LAPTM4B: variants seen among roughly 807,000 people sequenced by gnomAD.
LAPTM4B encodes the protein lysosomal-associated transmembrane protein 4B.
A neutral mutation model predicts 28.5 loss-of-function variants in LAPTM4B; 26 were observed. The ratio of observed to expected loss-of-function variants is 0.91; its 90% confidence interval spans 0.67 to 1.27. The LOEUF is 1.27. LAPTM4B is among the 50% of genes most tolerant of loss of function. LAPTM4B has a pLI of 0.00. For missense variants in LAPTM4B, 288 were observed against 285.8 expected, an observed-to-expected ratio of 1.01 and a Z score of -0.06; for synonymous variants, 109 against 106.4, an observed-to-expected ratio of 1.02 and a Z score of -0.15.
chr8:97,827,047 A>G (rs1817100609), intron 6 of LAPTM4B, among the ~76,000 whole-genome samples: 1 of 152,218 alleles, frequency 6.6e-6, no homozygotes, highest in South Asian at 2.1e-4. Context: ...ATCTTTTAGA[A>G]GTATCTCAGA....
intron 6 of LAPTM4B, among the ~76,000 whole-genome samples, chr8:97,827,298 A>G (rs1229846194): frequency 6.6e-6 from 1 of 152,134 alleles, no homozygotes; most frequent in African/African-American, 2.4e-5. Context: ...ACCTTCCCTA[A>G]AGAGGGTCCA....
Position 97,775,831 on chromosome 8 carries a change from A to G in LAPTM4B, c.-179A>G. The G allele has an allele frequency of 6.5e-7, 1 of 1,544,516 alleles. No homozygotes were observed. Among genetic ancestry groups the G allele is most frequent in the Non-Finnish European group, 8.7e-7 (1 of 1,151,490 alleles). ...GTCGCCTTCGGAGCGAAGGGTACCG[A>G]CCCGGCAGAAGCTCGGAGCTCTCGG... On this transcript the variant is annotated 5_prime_UTR_variant, in exon 1 of 7. Coordinates refer to ENST00000521545, the MANE Select transcript of LAPTM4B (RefSeq NM_018407.6).
At position 97,816,073 on chromosome 8, in the gene LAPTM4B, A is replaced by T. The variant is rs1208077340; in HGVS notation, c.301A>T (p.Ile101Phe). ...TTCTGTTTAGCAACGCGCAGCCTGG[A>T]TCATCCCATTCTTCTGTTACCAGAT... ...YGAYKQRAAW[I>F]IPFFCYQIFD... The change falls in exon 4 of 7, where the codon ATC (isoleucine) becomes TTC (phenylalanine). Residue 101 changes from isoleucine (I) to phenylalanine (F), a missense_variant. Coordinates refer to ENST00000521545, the MANE Select transcript of LAPTM4B (RefSeq NM_018407.6). The T allele has an allele frequency of 6.2e-7, 1 of 1,613,104 alleles. No individual in the cohort carries two copies. Among genetic ancestry groups the T allele is most frequent in the East Asian group, 2.2e-5 (1 of 44,826 alleles).
At chr8:97,822,043 G>A (rs560048719) in intron 5 of LAPTM4B, among the ~76,000 whole-genome samples, 2 of 152,258 alleles carry the variant, frequency 1.3e-5, no homozygotes, top group South Asian at 2.1e-4. Context: ...TTTTACACAC[G>A]GATGTTGGGC....
chr8:97,842,169 C>G lies in LAPTM4B; in HGVS notation c.604-9228C>G, dbSNP rs367689205. 1.1e-4 allele frequency among the ~76,000 whole-genome samples: 17 copies of G among 152,182 alleles called. No individual in the cohort carries two copies. In the East Asian group the frequency reaches 2.5e-3, roughly 22 times the overall value. On this transcript the variant is annotated intron_variant, in intron 6 of 6. Transcript: ENST00000521545. ...TGAATGTGGCTAAGTCCCGATAAAG[C>G]TTTACTTACAAACACTGAATTTTGA...
rs969825805 is a variant in LAPTM4B, at chr8:97,822,014, A to T, written c.507+2776A>T. On this transcript the variant is annotated intron_variant, in intron 5 of 6. Coordinates refer to ENST00000521545, the MANE Select transcript of LAPTM4B (RefSeq NM_018407.6). ...ACCATGATTTCATGTGTCATTCAGC[A>T]GTTAAGGATGGGAGTGAATTTTACA... 3.3e-5 allele frequency among the ~76,000 whole-genome samples: 5 copies of T among 152,240 alleles called. No homozygotes were observed. The South Asian group carries it at 1.0e-3, about 32-fold the overall frequency.
chr8:97,802,675 G>A (rs1246805077), intron 1 of LAPTM4B, among the ~76,000 whole-genome samples: 2 of 152,116 alleles, frequency 1.3e-5, no homozygotes, highest in African/African-American at 4.8e-5. Context: ...ATTTTACCAA[G>A]CCCCTGTTCA....
In LAPTM4B at chr8:97,775,795, C is replaced by T. The variant is rs753570508; in HGVS notation, c.-215C>T. 1 of 1,571,644 alleles carries T rather than the reference C, an allele frequency of 6.4e-7. No individual in the cohort carries two copies. The highest frequency in any genetic ancestry group is 8.6e-7 in the Non-Finnish European group (1 of 1,165,154). On this transcript the variant is annotated 5_prime_UTR_variant, in exon 1 of 7. Coordinates refer to ENST00000521545, the MANE Select transcript of LAPTM4B (RefSeq NM_018407.6). ...CCGCCCCGCCCCCTCCCCGTCCCCG[C>T]CGCTGCAGCGGTCGCCTTCGGAGCG...
intron 1 of LAPTM4B, among the ~76,000 whole-genome samples, chr8:97,801,284 C>T (rs7844786): frequency 0.44 from 66,861 of 150,696 alleles, 15,279 homozygotes; most frequent in East Asian, 0.57. Context: ...TGGGTTCAAG[C>T]GATTCTCCTG....
intron 5 of LAPTM4B, among the ~76,000 whole-genome samples, chr8:97,821,661 G>C (rs969397220): frequency 2.0e-5 from 3 of 152,156 alleles, no homozygotes; most frequent in Non-Finnish European, 2.9e-5. Context: ...CTTCTAATTC[G>C]AGATGCAATC....
intron 1 of LAPTM4B, among the ~76,000 whole-genome samples, chr8:97,779,293 C>T (rs927993837): frequency 7.9e-5 from 12 of 152,048 alleles, no homozygotes; most frequent in Non-Finnish European, 1.8e-4. Flanking sequence ...CCAGCCTGAC[C>T]AACCATGGCC....
intron 1 of LAPTM4B, among the ~76,000 whole-genome samples, chr8:97,777,140 T>TTG (rs1554588355): frequency 1.8e-5 from 2 of 113,972 alleles, no homozygotes; most frequent in Non-Finnish European, 3.5e-5. Context: ...CAGTGAGGTT[T>TTG]TTTTTTTTTT....
At chr8:97,818,564 TC>T (rs1353856695) in intron 4 of LAPTM4B, among the ~76,000 whole-genome samples, 1 of 152,104 alleles carries the variant, frequency 6.6e-6, no homozygotes, top group Non-Finnish European at 1.5e-5. Context: ...CTTGATTATT[TC>T]CCCCCACCCT....
At chr8:97,799,445 T>TG in intron 1 of LAPTM4B, among the ~76,000 whole-genome samples, 1 of 152,288 alleles carries the variant, frequency 6.6e-6, no homozygotes, top group South Asian at 2.1e-4. Context: ...GGGACTTTTC[T>TG]TTTAAGGCAG....
At chr8:97,782,905 A>ATTTT (rs374218969) in intron 1 of LAPTM4B, among the ~76,000 whole-genome samples, 565 of 89,124 alleles carry the variant, frequency 6.3e-3, no homozygotes, top group African/African-American at 0.02. Flanking sequence ...CTAATTTTGT[A>ATTTT]TTTTATTTAT....
intron 6 of LAPTM4B, among the ~76,000 whole-genome samples, chr8:97,846,572 C>T (rs1817437420): frequency 6.6e-6 from 1 of 152,100 alleles, no homozygotes; most frequent in African/African-American, 2.4e-5. Flanking sequence ...GGTGATCTGC[C>T]CACCTCAGTC....
intron 6 of LAPTM4B, among the ~76,000 whole-genome samples, chr8:97,825,609 A>G (rs916037133): frequency 2.0e-5 from 3 of 152,238 alleles, no homozygotes; most frequent in Admixed American, 2.0e-4. Context: ...TTATGTATGT[A>G]TTCTTAGTAA....
intron 1 of LAPTM4B, among the ~76,000 whole-genome samples, chr8:97,795,826 G>A (rs1293689903): frequency 7.7e-6 from 1 of 129,762 alleles, no homozygotes; most frequent in Non-Finnish European, 1.6e-5. Flanking sequence ...GACAAAGTGA[G>A]ACTCTGTCTT....
At position 97,830,799 on chromosome 8, in the gene LAPTM4B, C is replaced by T. The variant is rs116795530; in HGVS notation, c.603+5646C>T. On this transcript the variant is annotated intron_variant, in intron 6 of 6. Transcript: ENST00000521545. ...GGGTTAGTTCTTAACAAGAACTGAC[C>T]GTCGGGCTAGGATGTCTTTATATGG... Among the ~76,000 whole-genome samples, 406 of 152,034 alleles carry T rather than the reference C, an allele frequency of 2.7e-3. 1 individual carries two copies. The highest frequency in any genetic ancestry group is 9.2e-3 in the African/African-American group (383 of 41,452).
Sources: allele counts gnomAD v4.1 joint callset (sites outside exome capture counted in the v4.1 genomes callset), GRCh38; gene constraint gnomAD v4.1.1; transcripts MANE v1.5; gene names NCBI Gene and HGNC (gene_info 2026-07-23, HGNC 2026-07-21).